DLST: variants seen among roughly 807,000 people sequenced by gnomAD.
DLST encodes the protein dihydrolipoyllysine-residue succinyltransferase component of 2-oxoglutarate dehydrogenase complex, mitochondrial.
DLST carries 17 observed loss-of-function variants against 53.1 expected under a neutral mutation model. The observed-to-expected ratio is 0.32, with a 90% CI of 0.22 to 0.48. The LOEUF is 0.48. Ranked by LOEUF, DLST falls within the 20% of genes least tolerant of loss-of-function variation. The pLI is 0.99. For synonymous variants in DLST, 206 were observed against 204.8 expected, an observed-to-expected ratio of 1.01 and a Z score of -0.05; for missense variants, 512 against 583.9, an observed-to-expected ratio of 0.88 and a Z score of 1.27.
intron 9 of DLST, among the ~76,000 whole-genome samples, chr14:74,893,893 C>G (rs1883991440): frequency 6.6e-6 from 1 of 152,162 alleles, no homozygotes; most frequent in Non-Finnish European, 1.5e-5. Flanking sequence ...AGAATACTTC[C>G]TAAAAATATG....
At position 74,902,565 on chromosome 14, in the gene DLST, AAGAG is replaced by A. The variant is rs531647713; in HGVS notation, c.*242_*245del. On this transcript the variant is annotated 3_prime_UTR_variant, in exon 15 of 15. Transcript: ENST00000334220. ...TCGAATATCTTAATTCCTTAGGCTT[AAGAG>A]AGAGAGCCTTAATGGATGCTCATTC... The A allele has an allele frequency of 7.6e-6, 3 of 392,454 alleles. No homozygotes were observed. Among genetic ancestry groups the A allele is most frequent in the Non-Finnish European group, 1.4e-5 (3 of 220,760 alleles). 24.3% of individuals were successfully genotyped at this position (392,454 alleles called of 1,614,324 possible).
chr14:74,898,583 C>T, intron 11 of DLST, 84 bp downstream of exon 11: 2 of 1,476,710 alleles, frequency 1.4e-6, no homozygotes, highest in Non-Finnish European at 1.8e-6. Context: ...AGAGGATCAA[C>T]AGACCAAGGC....
At chr14:74,891,764 C>T in intron 7 of DLST, 5 of 985,072 alleles carry the variant, frequency 5.1e-6, no homozygotes, top group Non-Finnish European at 6.0e-6. Flanking sequence ...AAGCGAGAAT[C>T]GTACCCGTAG....
chr14:74,887,253 A>G (rs748122051), intron 3 of DLST, among the ~76,000 whole-genome samples: 10 of 152,202 alleles, frequency 6.6e-5, no homozygotes, highest in Non-Finnish European at 1.5e-4. Context: ...TTCATTTTCT[A>G]CTGTGTGGTA....
chr14:74,881,944 C>CTCCGCCGTGATGCTGTCCCGAT lies in DLST; in HGVS notation c.-9_13dup. 1 of 1,546,766 alleles carries CTCCGCCGTGATGCTGTCCCGAT rather than the reference C, an allele frequency of 6.5e-7. No homozygotes were observed. ...TCCGGTGTCCGCCCGCCCTCGGCTC[C>CTCCGCCGTGATGCTGTCCCGAT]TCCGCCGTGATGCTGTCCCGATCCC... On this transcript the variant is annotated 5_prime_UTR_variant, in exon 1 of 15. In the 5' UTR this introduces an upstream ATG that the reference lacks. Coordinates refer to ENST00000334220, the MANE Select transcript of DLST (RefSeq NM_001933.5).
chr14:74,900,228 G>A, intron 12 of DLST, 61 bp from the exon 13 acceptor site: 1 of 1,483,248 alleles, frequency 6.7e-7, no homozygotes, highest in Non-Finnish European at 9.4e-7. Context: ...AATCAAGGGA[G>A]TTGTTAACTA....
At chr14:74,885,465 T>A in intron 2 of DLST, 121 bp from the exon 3 acceptor site, 1 of 1,008,950 alleles carries the variant, frequency 9.9e-7, no homozygotes, top group African/African-American at 1.6e-5. Context: ...ATAAAGATTA[T>A]ATCCGTTGCC....
At position 74,889,276 on chromosome 14, in the gene DLST, G is replaced by C. The variant is rs1395685325; in HGVS notation, c.201G>C (p.Lys67Asn). Residue 67 changes from lysine (K) to asparagine (N), a missense_variant and splice_region_variant, in exon 5 of 15, where the codon AAG (lysine) becomes AAC (asparagine). Coordinates refer to ENST00000334220, the MANE Select transcript of DLST (RefSeq NM_001933.5). ...VRFFRTTAVC[K>N]DDLVTVKTPA... is the part of the protein sequence containing the mutation. ...TTTTCTTTTTTGCATTTTTCCTAGAGGATGACTTGGTTACAGTCAAAACCC... is the reference window on the plus strand; with the variant it reads ...TTTTCTTTTTTGCATTTTTCCTAGACGATGACTTGGTTACAGTCAAAACCC... 1.9e-6 allele frequency: 3 copies of C among 1,612,490 alleles called. No individual in the cohort carries two copies. The Admixed American group carries it at 5.0e-5, about 27-fold the overall frequency.
At chr14:74,889,440 C>A (rs1321126159) in intron 5 of DLST, 91 bp downstream of exon 5, 1 of 1,045,250 alleles carries the variant, frequency 9.6e-7, no homozygotes, top group East Asian at 2.6e-5. Context: ...ATGATCTCGG[C>A]TCACTGCAGC....
intron 3 of DLST, chr14:74,886,143 A>G (rs1421133941): frequency 6.4e-6 from 1 of 155,124 alleles, no homozygotes; most frequent in African/African-American, 2.4e-5. Context: ...TTTCAGATTA[A>G]CTTCTGCGTA....
intron 7 of DLST, chr14:74,891,623 A>G: frequency 1.0e-6 from 1 of 986,160 alleles, no homozygotes. Context: ...TATCTCTAGG[A>G]AGGGTTGGTA....
At position 74,893,038 on chromosome 14, in the gene DLST, T is replaced by C. The variant is rs578133189; in HGVS notation, c.595+52T>C. On this transcript the variant is annotated intron_variant, in intron 8 of 14. Coordinates refer to ENST00000334220, the MANE Select transcript of DLST (RefSeq NM_001933.5). ...GTGGGAGAACATCTCGTCTAATATG[T>C]TCCTTCAAAGGGTAAACTCTAGACT... 4.5e-6 allele frequency: 7 copies of C among 1,566,596 alleles called. No individual in the cohort carries two copies. The African/African-American group carries it at 8.6e-5, about 19-fold the overall frequency.
At chr14:74,895,886 A>G (rs1364288089) in intron 10 of DLST, among the ~76,000 whole-genome samples, 1 of 152,106 alleles carries the variant, frequency 6.6e-6, no homozygotes, top group African/African-American at 2.4e-5. Context: ...ACAGAGCGAG[A>G]TTGTGTCTCA....
Position 74,901,063 on chromosome 14 carries a change from T to C in DLST, c.1060-3T>C. 2 of 1,613,522 alleles carry C rather than the reference T, an allele frequency of 1.2e-6. No homozygotes were observed. The highest frequency in any genetic ancestry group is 1.7e-6 in the Non-Finnish European group (2 of 1,179,782). On this transcript the variant is annotated splice_region_variant and splice_polypyrimidine_tract_variant and intron_variant, in intron 13 of 14. Coordinates refer to ENST00000334220, the MANE Select transcript of DLST (RefSeq NM_001933.5). ...ATATTTCAATTATGAAATCTGTTTT[T>C]AGGCCCGAAAGAATGAACTTGCCAT... is the stretch of plus-strand genomic sequence containing the variant.
At chr14:74,885,386 A>G (rs1883666681) in intron 2 of DLST, among the ~76,000 whole-genome samples, 200 bp from the exon 3 acceptor site, 1 of 152,176 alleles carries the variant, frequency 6.6e-6, no homozygotes, top group Non-Finnish European at 1.5e-5. Context: ...TACCCACTCG[A>G]TCTCACATAC....
At chr14:74,892,492 A>G (rs190163559) in intron 7 of DLST, among the ~76,000 whole-genome samples, 137 of 150,714 alleles carry the variant, frequency 9.1e-4, no homozygotes, top group African/African-American at 3.2e-3. Context: ...ATGCATTTCA[A>G]TATTTTAAAT....
At chr14:74,889,657 G>GC in intron 5 of DLST, 1 of 558,734 alleles carries the variant, frequency 1.8e-6, no homozygotes, top group Non-Finnish European at 3.1e-6. Context: ...ACAGGCCTGA[G>GC]CCACTGCGTG....
At chr14:74,900,222 A>G in intron 12 of DLST, 67 bp from the exon 13 acceptor site, 2 of 1,448,562 alleles carry the variant, frequency 1.4e-6, no homozygotes. Context: ...GGGTTGAATC[A>G]AGGGAGTTGT....
At position 74,889,367 on chromosome 14, in the gene DLST, ATTTTT is replaced by A; in HGVS notation, c.274+34_274+38del. The A allele has an allele frequency of 1.6e-4, 194 of 1,209,188 alleles. No homozygotes were observed. Among genetic ancestry groups the A allele is most frequent in the Non-Finnish European group, 1.7e-4 (157 of 903,566 alleles). 74.9% of individuals were successfully genotyped at this position (1,209,188 alleles called of 1,614,324 possible). On this transcript the variant is annotated intron_variant, in intron 5 of 14. Coordinates refer to ENST00000334220, the MANE Select transcript of DLST (RefSeq NM_001933.5). ...GGAGAAAGGTAAGATTTAGTTTCCTATTTTTTTTTTTTTTTTTTTTGAGACAGAGT... is the reference window on the plus strand; with the variant it reads ...GGAGAAAGGTAAGATTTAGTTTCCTATTTTTTTTTTTTTTTGAGACAGAGT...
Sources: gnomAD v4.1 joint callset for allele counts (sites outside exome capture counted in the v4.1 genomes callset) on GRCh38, gnomAD v4.1.1 for gene constraint, MANE v1.5 for transcripts, NCBI Gene and HGNC (gene_info 2026-07-23, HGNC 2026-07-21) for gene names.